Variants in OSTN observed in about 807,000 individuals in gnomAD.
The protein encoded by OSTN is osteocrin.
In OSTN, 9 loss-of-function variants were observed where a neutral mutation model predicts 12.0. That is an observed-to-expected ratio of 0.75 (90% confidence interval 0.45 to 1.30). OSTN has a LOEUF of 1.30. OSTN is among the 50% of genes most tolerant of loss of function. OSTN has a pLI of 0.00. For missense variants in OSTN, 148 were observed against 152.3 expected, an observed-to-expected ratio of 0.97 and a Z score of 0.15; for synonymous variants, 59 against 56.9, an observed-to-expected ratio of 1.04 and a Z score of -0.16.
rs116775546 is a variant in OSTN, at chr3:191,202,364, C to T, written c.-1+3057C>T. ...GAAGGAAATCCCTAGACAGGACAAG[C>T]GGTTGAGGAGTTTCCACCTGAACCA... On this transcript the variant is annotated intron_variant, in intron 1 of 4. Coordinates refer to ENST00000682035, the MANE Select transcript of OSTN (RefSeq NM_198184.2). 1.7e-3 allele frequency among the ~76,000 whole-genome samples: 258 copies of T among 152,284 alleles called. 1 individual carries two copies. The highest frequency in any genetic ancestry group is 5.8e-3 in the African/African-American group (243 of 41,554).
chr3:191,226,616 A>G (rs531947559), intron 3 of OSTN, among the ~76,000 whole-genome samples: 12 of 152,248 alleles, frequency 7.9e-5, no homozygotes, highest in African/African-American at 2.9e-4. Context: ...AGCCACAAAA[A>G]CTCTGCAAAA....
At chr3:191,251,855 T>C (rs1715568504) in intron 4 of OSTN, among the ~76,000 whole-genome samples, 1 of 152,238 alleles carries the variant, frequency 6.6e-6, no homozygotes, top group Admixed American at 6.5e-5. Context: ...ACTAGCTAAT[T>C]GCTGTTTAAA....
At chr3:191,216,208 C>T (rs1324764684) in intron 2 of OSTN, among the ~76,000 whole-genome samples, 1 of 152,178 alleles carries the variant, frequency 6.6e-6, no homozygotes, top group South Asian at 2.1e-4. Context: ...TATGTTGGCC[C>T]CCTTAGCCAC....
chr3:191,231,891 A>G (rs1715066698), intron 3 of OSTN, among the ~76,000 whole-genome samples: 2 of 152,304 alleles, frequency 1.3e-5, no homozygotes, highest in South Asian at 4.1e-4. Flanking sequence ...GAGTGATAGA[A>G]TTTATGAGTT....
intron 1 of OSTN, among the ~76,000 whole-genome samples, chr3:191,210,320 A>T (rs369765246): frequency 6.6e-6 from 1 of 152,354 alleles, no homozygotes; most frequent in South Asian, 2.1e-4. Flanking sequence ...TAGCAGTGGC[A>T]CGCACCCGAG....
intron 3 of OSTN, among the ~76,000 whole-genome samples, chr3:191,242,008 TA>T (rs142850318): frequency 0.011 from 1,662 of 151,344 alleles, 29 homozygotes; most frequent in African/African-American, 0.038. Flanking sequence ...GCAATGTATT[TA>T]AAAAAAAATA....
chr3:191,199,894 A>G (rs1006167205), intron 1 of OSTN, among the ~76,000 whole-genome samples: 19 of 152,208 alleles, frequency 1.2e-4, no homozygotes, highest in Middle Eastern at 3.4e-3. Context: ...TTGCTATTCA[A>G]TGATTGAATT....
At position 191,236,202 on chromosome 3, in the gene OSTN, C is replaced by T. The variant is rs533991340; in HGVS notation, c.318-13835C>T. On this transcript the variant is annotated intron_variant, in intron 3 of 4. Transcript: ENST00000682035. ...GAAATACTTCCCACATACTTTCTCTCTTTCTGTCTCTTTTTTACTCAGCCT... is the reference window on the plus strand; with the variant it reads ...GAAATACTTCCCACATACTTTCTCTTTTTCTGTCTCTTTTTTACTCAGCCT... Among the ~76,000 whole-genome samples the T allele has an allele frequency of 3.0e-4, 46 of 152,270 alleles. 1 individual carries two copies. The highest frequency in any genetic ancestry group is 1.1e-3 in the African/African-American group (45 of 41,568).
intron 1 of OSTN, among the ~76,000 whole-genome samples, chr3:191,208,154 T>C (rs1474734091): frequency 3.3e-5 from 5 of 151,986 alleles, no homozygotes; most frequent in African/African-American, 1.2e-4. Flanking sequence ...TAAAAAAAAA[T>C]GCAAACACCT....
intron 3 of OSTN, among the ~76,000 whole-genome samples, chr3:191,238,281 C>T (rs1297345231): frequency 1.3e-5 from 2 of 152,014 alleles, no homozygotes; most frequent in Admixed American, 6.5e-5. Flanking sequence ...CACAGGAGCA[C>T]CTGTGACCTG....
chr3:191,254,775 A>G (rs899729901), intron 4 of OSTN, among the ~76,000 whole-genome samples: 3 of 152,244 alleles, frequency 2.0e-5, no homozygotes, highest in Admixed American at 2.0e-4. Flanking sequence ...CATGAAGTAC[A>G]GCAAAAATGT....
intron 3 of OSTN, among the ~76,000 whole-genome samples, chr3:191,244,680 C>A (rs1443198220): frequency 1.3e-5 from 2 of 149,014 alleles, no homozygotes; most frequent in Non-Finnish European, 3.0e-5. Flanking sequence ...TGTTTCACTT[C>A]TGATGGATAT....
At chr3:191,234,418 C>T (rs985772468) in intron 3 of OSTN, among the ~76,000 whole-genome samples, 6 of 151,970 alleles carry the variant, frequency 3.9e-5, no homozygotes, top group African/African-American at 7.3e-5. Flanking sequence ...GTGACTTGGC[C>T]GGGTGCAGTG....
chr3:191,260,967 T>C (rs949682562), intron 4 of OSTN, among the ~76,000 whole-genome samples: 1 of 152,156 alleles, frequency 6.6e-6, no homozygotes, highest in Non-Finnish European at 1.5e-5. Flanking sequence ...CTCGCATTAA[T>C]CAAAATTGTG....
chr3:191,239,998 T>C lies in OSTN; in HGVS notation c.318-10039T>C, dbSNP rs571079031. Among the ~76,000 whole-genome samples the C allele has an allele frequency of 4.6e-5, 7 of 152,374 alleles. No homozygotes were observed. In the East Asian group the frequency reaches 1.3e-3, roughly 29 times the overall value. On this transcript the variant is annotated intron_variant, in intron 3 of 4. Coordinates refer to ENST00000682035, the MANE Select transcript of OSTN (RefSeq NM_198184.2). ...TTCAGATGTAAAGACACACTTTATG[T>C]TCAGCTTGATCAGCAATAAAAATGA...
At chr3:191,201,431 G>A (rs1297642728) in intron 1 of OSTN, among the ~76,000 whole-genome samples, 1 of 151,888 alleles carries the variant, frequency 6.6e-6, no homozygotes, top group Non-Finnish European at 1.5e-5. Context: ...TATATTCCCA[G>A]GGTACCTAAG....
At chr3:191,226,169 C>T (rs1448594923) in intron 3 of OSTN, among the ~76,000 whole-genome samples, 1 of 152,092 alleles carries the variant, frequency 6.6e-6, no homozygotes, top group South Asian at 2.1e-4. Context: ...TCCAACAACA[C>T]TTTTAAAAAT....
At chr3:191,212,994 C>G (rs1023423620) in intron 2 of OSTN, among the ~76,000 whole-genome samples, 1 of 150,888 alleles carries the variant, frequency 6.6e-6, no homozygotes, top group Non-Finnish European at 1.5e-5. Context: ...CCTCAGCCTC[C>G]CAAGTAGCTG....
intron 3 of OSTN, chr3:191,234,724 AAAAAG>A (rs1475645708): frequency 1.3e-5 from 2 of 150,432 alleles, no homozygotes; most frequent in Non-Finnish European, 2.9e-5. Flanking sequence ...AGCAAAGCAC[AAAAAG>A]AAAAGAAAAG....
Sources: gnomAD v4.1 joint callset for allele counts (sites outside exome capture counted in the v4.1 genomes callset) on GRCh38, gnomAD v4.1.1 for gene constraint, MANE v1.5 for transcripts, NCBI Gene and HGNC (gene_info 2026-07-23, HGNC 2026-07-21) for gene names.